NONO: variants seen among roughly 807,000 people sequenced by gnomAD.
NONO encodes the protein non-POU domain-containing octamer-binding protein.
In NONO, 6 loss-of-function variants were observed where a neutral mutation model predicts 40.2. The ratio of observed to expected loss-of-function variants is 0.15; its 90% confidence interval spans 0.08 to 0.29. The LOEUF (loss-of-function observed/expected upper bound fraction) is 0.29. Ranked by LOEUF, NONO falls within the 10% of genes least tolerant of loss-of-function variation. NONO has a pLI of 1.00. For synonymous variants in NONO, 89 were observed against 123.3 expected, an observed-to-expected ratio of 0.72 and a Z score of 1.85; for missense variants, 133 against 397.8, an observed-to-expected ratio of 0.33 and a Z score of 5.66.
At position 71,286,288 on chromosome X, in the gene NONO, T is replaced by G. The variant is rs997302768; in HGVS notation, c.-10+1835T>G. On this transcript the variant is annotated intron_variant, in intron 2 of 11. Transcript: ENST00000276079. ...GATGTTGTGAGGTTTACCATCTGCC[T>G]CCTTCTCCCTATCCACTTTGCCTTC... Among the ~76,000 whole-genome samples the G allele has an allele frequency of 7.2e-5, 8 of 111,716 alleles. 1 individual carries two copies. Among genetic ancestry groups the G allele is most frequent in the African/African-American group, 1.9e-4 (6 of 30,835 alleles).
At chrX:71,294,066 C>T (rs775331899) in intron 4 of NONO, 161 bp from the exon 5 acceptor site, 2 of 524,972 alleles carry the variant, frequency 3.8e-6, no homozygotes, top group Non-Finnish European at 6.0e-6. Flanking sequence ...CTAGGGTGGC[C>T]AAAGAGCTGA....
At chrX:71,295,873 G>T (rs1164780363) in intron 5 of NONO, among the ~76,000 whole-genome samples, 3 of 112,002 alleles carry the variant, frequency 2.7e-5, no homozygotes, top group Non-Finnish European at 5.6e-5. Flanking sequence ...TGACGATTAT[G>T]AAAAATAACT....
At chrX:71,285,062 A>C (rs776326826) in intron 2 of NONO, 2 of 112,604 alleles carry the variant, frequency 1.8e-5, no homozygotes, top group East Asian at 5.6e-4. Context: ...ATTGGTGGTC[A>C]TCAGAAGTAG....
chrX:71,286,505 G>A (rs751389278), intron 2 of NONO, among the ~76,000 whole-genome samples: 2 of 111,838 alleles, frequency 1.8e-5, no homozygotes, highest in African/African-American at 3.2e-5. Flanking sequence ...GAATGAAATC[G>A]TGAATTGAAA....
chrX:71,293,765 G>A (rs2031376574), intron 4 of NONO, among the ~76,000 whole-genome samples: 1 of 109,788 alleles, frequency 9.1e-6, no homozygotes, highest in East Asian at 3.0e-4. Flanking sequence ...TGGAGTAGCT[G>A]GAACTACCAG....
In NONO at chrX:71,297,473, C is replaced by T. The variant is rs762099687; in HGVS notation, c.1028+12C>T. 1.1e-5 allele frequency: 12 copies of T among 1,139,193 alleles called. No individual in the cohort carries two copies. The highest frequency in any genetic ancestry group is 2.4e-4 in the Middle Eastern group (1 of 4,229). The allele number at this position is 1,139,193 out of a possible 1,213,427, so 93.9% of individuals were successfully genotyped here. A position where few individuals can be genotyped will look rare whatever the true frequency, so the allele number is the denominator to read the frequency against. On this transcript the variant is annotated intron_variant, in intron 8 of 11. Transcript: ENST00000276079. The stretch of plus-strand genomic sequence containing the variant: ...CAACTGGAGCTCAGGTAACTTTTCT[C>T]GAACACTTTTTCCCTAACAACTCTA...
chrX:71,301,117 A>G lies in NONO; in HGVS notation c.*1041A>G, dbSNP rs1250495521. On this transcript the variant is annotated 3_prime_UTR_variant, in exon 12 of 12. Coordinates refer to ENST00000276079, the MANE Select transcript of NONO (RefSeq NM_007363.5). ...CATATATTTGGAGTTTTTCTGAAAA[A>G]TGGAGCAGTAATGCAGCATCAACCT... The G allele has an allele frequency of 7.1e-6, 1 of 140,206 alleles. No individual in the cohort carries two copies. Among genetic ancestry groups the G allele is most frequent in the African/African-American group, 3.1e-5 (1 of 31,746 alleles). 11.6% of individuals were successfully genotyped at this position (140,206 alleles called of 1,213,427 possible). A position where few individuals can be genotyped will look rare whatever the true frequency, so the allele number is the denominator to read the frequency against.
intron 8 of NONO, 90 bp from the exon 9 acceptor site, chrX:71,297,746 C>A: frequency 1.5e-6 from 1 of 676,860 alleles, no homozygotes; most frequent in Non-Finnish European, 2.3e-6. Flanking sequence ...TGATAGTTTT[C>A]AGTAGGCCAG....
Position 71,300,692 on chromosome X carries a change from A to G in NONO, c.*616A>G, listed in dbSNP as rs1460901107. 2.2e-5 allele frequency: 4 copies of G among 181,318 alleles called. No individual in the cohort carries two copies. Among genetic ancestry groups the G allele is most frequent in the Non-Finnish European group, 4.2e-5 (4 of 95,972 alleles). The allele number at this position is 181,318 out of a possible 1,213,427, so 14.9% of individuals were successfully genotyped here. A position where few individuals can be genotyped will look rare whatever the true frequency, so the allele number is the denominator to read the frequency against. On this transcript the variant is annotated 3_prime_UTR_variant, in exon 12 of 12. Coordinates refer to ENST00000276079, the MANE Select transcript of NONO (RefSeq NM_007363.5). ...CACCACAAAAACCAAACATCCCCCA[A>G]TGACCTTAGCCCCATTGCTCCATTC...
intron 9 of NONO, 133 bp from the exon 10 acceptor site, chrX:71,298,336 G>C: frequency 1.7e-6 from 1 of 582,606 alleles, no homozygotes; most frequent in Non-Finnish European, 3.0e-6. Context: ...AGCAAGGGTT[G>C]TGCTCCTCAG....
At chrX:71,297,494 C>T in intron 8 of NONO, 33 bp downstream of exon 8, 2 of 1,025,141 alleles carry the variant, frequency 2.0e-6, no homozygotes, top group Non-Finnish European at 2.7e-6. Context: ...TCCCTAACAA[C>T]TCTAAAAGGT....
chrX:71,287,417 G>A (rs1253781942), intron 2 of NONO, among the ~76,000 whole-genome samples: 5 of 111,413 alleles, frequency 4.5e-5, no homozygotes, highest in Non-Finnish European at 9.4e-5. Flanking sequence ...TCACTCTGCC[G>A]CCTAGGCTGG....
At position 71,297,062 on chromosome X, in the gene NONO, G is replaced by C. The variant is rs2031468105; in HGVS notation, c.943+15G>C. On this transcript the variant is annotated intron_variant, in intron 7 of 11. Coordinates refer to ENST00000276079, the MANE Select transcript of NONO (RefSeq NM_007363.5). ...AATGAGACAGGGTGAGTCTAGGCCT[G>C]TAAGTCTTAAAGCTGAAAGGACAAA... 8.7e-7 allele frequency: 1 copy of C among 1,150,620 alleles called. No individual in the cohort carries two copies. Among genetic ancestry groups the C allele is most frequent in the African/African-American group, 1.8e-5 (1 of 55,468 alleles). 94.8% of individuals were successfully genotyped at this position (1,150,620 alleles called of 1,213,427 possible).
At chrX:71,288,117 A>ATTTTTTTTTT (rs2031239914) in intron 2 of NONO, among the ~76,000 whole-genome samples, 11 of 21,681 alleles carry the variant, frequency 5.1e-4, no homozygotes, top group East Asian at 1.4e-3. Context: ...TATTATTTTT[A>ATTTTTTTTTT]TCTTTTTTTT....
chrX:71,289,787 T>C (rs1178165586), intron 2 of NONO, among the ~76,000 whole-genome samples: 3 of 109,288 alleles, frequency 2.7e-5, no homozygotes, highest in African/African-American at 1.0e-4. Context: ...TGTTTTGTTT[T>C]TTGGAGACGG....
rs1336621781 is a variant in NONO at position 71,289,289 on chromosome X, T to A, written c.-9-1340T>A. ...TATTATTTTTTAAATTTTTTAAAATTTTTTATTTTATTTTATTTTCGAGAC... is the reference window on the plus strand; with the variant it reads ...TATTATTTTTTAAATTTTTTAAAATATTTTATTTTATTTTATTTTCGAGAC... On this transcript the variant is annotated intron_variant, in intron 2 of 11. Transcript: ENST00000276079. Among the ~76,000 whole-genome samples, 3 of 111,422 alleles carry A rather than the reference T, an allele frequency of 2.7e-5. No homozygotes were observed. The Admixed American group carries it at 2.9e-4, about 11-fold the overall frequency.
At chrX:71,296,485 C>A in intron 5 of NONO, 80 bp from the exon 6 acceptor site, 6 of 643,402 alleles carry the variant, frequency 9.3e-6, no homozygotes, top group Admixed American at 3.8e-5. Context: ...CTAGCTAATT[C>A]ATTGTGCCAG....
intron 4 of NONO, chrX:71,293,076 T>C (rs2031361893): frequency 8.9e-6 from 1 of 112,837 alleles, no homozygotes; most frequent in Non-Finnish European, 1.9e-5. Flanking sequence ...GAGGAAAACA[T>C]TTCTAGACAT....
At chrX:71,297,183 G>A in intron 7 of NONO, 136 bp downstream of exon 7, 1 of 690,246 alleles carries the variant, frequency 1.4e-6, no homozygotes, top group Non-Finnish European at 2.1e-6. Flanking sequence ...TAGATAAATA[G>A]GCTTGGAGAT....
Sources: gnomAD v4.1 joint callset for allele counts (sites outside exome capture counted in the v4.1 genomes callset) on GRCh38, gnomAD v4.1.1 for gene constraint, MANE v1.5 for transcripts, NCBI Gene and HGNC (gene_info 2026-07-23, HGNC 2026-07-21) for gene names.